The following ARHGEF33 variants were observed in gnomAD, a reference collection of about 807,000 sequenced individuals.
The protein encoded by ARHGEF33 is Rho guanine nucleotide exchange factor 33, also known as DH and coiled-coil domain-containing protein ENSP00000381780.
A neutral mutation model predicts 101.9 loss-of-function variants in ARHGEF33; 72 were observed. The observed-to-expected ratio is 0.71, with a 90% confidence interval of 0.58 to 0.86. The LOEUF (loss-of-function observed/expected upper bound fraction) is 0.86, where lower values mean the gene tolerates loss of function less well. Ranked by LOEUF, ARHGEF33 falls within the 40% of genes least tolerant of loss-of-function variation. The pLI is 0.00. For missense variants in ARHGEF33, 1,169 were observed against 1,111.3 expected, an observed-to-expected ratio of 1.05 and a Z score of -0.74; for synonymous variants, 499 against 442.5, an observed-to-expected ratio of 1.13 and a Z score of -1.60.
At chr2:38,936,831 C>G (rs1022641944) in intron 8 of ARHGEF33, 2 of 151,572 alleles carry the variant, frequency 1.3e-5, no homozygotes, top group African/African-American at 4.8e-5. Context: ...TAAAAATTAG[C>G]TGGGCGTGGT....
intron 9 of ARHGEF33, among the ~76,000 whole-genome samples, chr2:38,937,826 G>A (rs1190251720): frequency 6.6e-6 from 1 of 152,144 alleles, no homozygotes; most frequent in African/African-American, 2.4e-5. Context: ...GCATAAGGTT[G>A]GTGGAGAAGG....
intron 9 of ARHGEF33, among the ~76,000 whole-genome samples, chr2:38,942,468 CTTT>C (rs58695451): frequency 3.0e-5 from 4 of 132,788 alleles, no homozygotes; most frequent in African/African-American, 8.2e-5. Flanking sequence ...CCCCTCTTAT[CTTT>C]TTTTTTTTTT....
intron 17 of ARHGEF33, among the ~76,000 whole-genome samples, chr2:38,969,091 G>A (rs576454248): frequency 6.6e-6 from 1 of 152,264 alleles, no homozygotes; most frequent in African/African-American, 2.4e-5. Context: ...AACCATGAGC[G>A]ACATAGTCCC....
At chr2:38,899,615 A>G (rs1666199063) in intron 2 of ARHGEF33, among the ~76,000 whole-genome samples, 1 of 152,090 alleles carries the variant, frequency 6.6e-6, no homozygotes, top group Non-Finnish European at 1.5e-5. Flanking sequence ...GTAAGACAGG[A>G]GGAATACATT....
intron 2 of ARHGEF33, among the ~76,000 whole-genome samples, chr2:38,917,326 A>G (rs574994806): frequency 4.4e-4 from 67 of 151,964 alleles, no homozygotes; most frequent in Admixed American, 8.5e-4. Flanking sequence ...TCCTGACCTC[A>G]AGTGATCCGC....
In ARHGEF33 at chr2:38,952,460, T is replaced by C. The variant is rs147275931; in HGVS notation, c.1054-702T>C. ...TTGTGAACTACTGATCTGGATGACA[T>C]GAAGTGGGATGGGCAGAGTCCCTCA... is the stretch of plus-strand genomic sequence containing the variant. On this transcript the variant is annotated intron_variant, in intron 11 of 17. Transcript: ENST00000409978. Among the ~76,000 whole-genome samples the C allele has an allele frequency of 3.2e-3, 493 of 152,272 alleles. 3 individuals carry two copies. Among genetic ancestry groups the C allele is most frequent in the African/African-American group, 0.011 (465 of 41,536 alleles).
intron 12 of ARHGEF33, 70 bp downstream of exon 12, chr2:38,953,315 A>C: frequency 1.1e-6 from 1 of 895,706 alleles, no homozygotes; most frequent in Non-Finnish European, 1.8e-6. Flanking sequence ...TCATCCACCC[A>C]GTCAATACAG....
chr2:38,960,352 C>G lies in ARHGEF33; in HGVS notation c.2047C>G (p.Pro683Ala). Residue 683 changes from proline (P) to alanine (A), a missense_variant, in exon 16 of 18, where the codon CCG becomes GCG. Physicochemically the swap from Pro to Ala is conservative, Grantham distance 27. Transcript: ENST00000409978. ...LQPLPKSATS[P>A]AGSSSAYKLE... ...GCCGCTGCCCAAGAGCGCTACGTCG[C>G]CGGCGGGCAGCAGCAGCGCCTACAA... is the stretch of plus-strand genomic sequence containing the variant. 6.5e-7 allele frequency: 1 copy of G among 1,532,216 alleles called. No individual in the cohort carries two copies. The highest frequency in any genetic ancestry group is 8.7e-7 in the Non-Finnish European group (1 of 1,143,160). The allele number at this position is 1,532,216 out of a possible 1,614,324, so 94.9% of individuals were successfully genotyped here. A position where few individuals can be genotyped will look rare whatever the true frequency, so the allele number is the denominator to read the frequency against.
At chr2:38,959,788 T>C in intron 15 of ARHGEF33, 53 bp from the exon 16 acceptor site, 1 of 1,472,626 alleles carries the variant, frequency 6.8e-7, no homozygotes, top group African/African-American at 1.4e-5. Flanking sequence ...GCGAGAGGCC[T>C]GCACTAACCG....
intron 4 of ARHGEF33, 52 bp from the exon 5 acceptor site, chr2:38,928,855 C>T (rs557567984): frequency 6.8e-7 from 1 of 1,480,842 alleles, no homozygotes; most frequent in Admixed American, 2.3e-5. Context: ...TCCAATGGTG[C>T]CACTTACAGT....
rs538286183 is a variant in ARHGEF33 at position 38,950,911 on chromosome 2, C to T, written c.921-78C>T. The T allele has an allele frequency of 6.7e-5, 92 of 1,370,698 alleles. 1 individual carries two copies. The South Asian group carries it at 1.2e-3, about 18-fold the overall frequency. The allele number at this position is 1,370,698 out of a possible 1,614,324, so 84.9% of individuals were successfully genotyped here. A position where few individuals can be genotyped will look rare whatever the true frequency, so the allele number is the denominator to read the frequency against. On this transcript the variant is annotated intron_variant, in intron 10 of 17. Coordinates refer to ENST00000409978, the MANE Select transcript of ARHGEF33 (RefSeq NM_001145451.5). ...TATGTTGGATGGCTGGGAGAATGGGCCCTGCTGCATGTATTTTTGTAGGGT... is the reference window on the plus strand; with the variant it reads ...TATGTTGGATGGCTGGGAGAATGGGTCCTGCTGCATGTATTTTTGTAGGGT...
intron 4 of ARHGEF33, 26 bp from the exon 5 acceptor site, chr2:38,928,881 G>T: frequency 1.3e-6 from 2 of 1,529,580 alleles, no homozygotes; most frequent in South Asian, 2.5e-5. Context: ...CCAGCAAATT[G>T]AATTAACTTT....
intron 1 of ARHGEF33, among the ~76,000 whole-genome samples, chr2:38,893,780 A>C (rs1020325707): frequency 6.6e-6 from 1 of 152,174 alleles, no homozygotes; most frequent in African/African-American, 2.4e-5. Context: ...TTAAACCCCT[A>C]AAAACTTAAT....
In ARHGEF33 at chr2:38,935,812, T is replaced by C. The variant is rs547153807; in HGVS notation, c.543T>C (p.Asn181=). ...ESRSVHVGDS[N]VKGMMGPGVN... The stretch of plus-strand genomic sequence containing the variant: ...GATCTGTTCATGTAGGAGACAGTAA[T>C]GTAAAAGGAATGATGGGTCCTGGTA... Residue 181 remains asparagine, a synonymous_variant, in exon 8 of 18, where the codon AAT becomes AAC. Coordinates refer to ENST00000409978, the MANE Select transcript of ARHGEF33 (RefSeq NM_001145451.5). The C allele has an allele frequency of 6.4e-7, 1 of 1,552,036 alleles. No individual in the cohort carries two copies. Among genetic ancestry groups the C allele is most frequent in the Non-Finnish European group, 8.7e-7 (1 of 1,146,924 alleles).
At chr2:38,972,064 T>C (rs1572786903) in intron 17 of ARHGEF33, 1 of 675,364 alleles carries the variant, frequency 1.5e-6, no homozygotes, top group Non-Finnish European at 2.8e-6. Flanking sequence ...GAGTAATGAC[T>C]TTCTGATGAG....
intron 2 of ARHGEF33, among the ~76,000 whole-genome samples, chr2:38,906,914 C>T (rs972980124): frequency 6.6e-6 from 1 of 151,792 alleles, no homozygotes. Flanking sequence ...GCCATGATTG[C>T]ACCACTGCCT....
At chr2:38,915,652 A>C (rs1572745691) in intron 2 of ARHGEF33, among the ~76,000 whole-genome samples, 1 of 152,196 alleles carries the variant, frequency 6.6e-6, no homozygotes, top group East Asian at 1.9e-4. Context: ...GATTACAAGC[A>C]TGAGCCACCA....
chr2:38,952,789 C>G (rs1348363622), intron 11 of ARHGEF33, among the ~76,000 whole-genome samples: 1 of 151,984 alleles, frequency 6.6e-6, no homozygotes, highest in Non-Finnish European at 1.5e-5. Context: ...AGCTCTGCCT[C>G]CCGGGTTCAT....
At chr2:38,946,637 T>A (rs1241735798) in intron 10 of ARHGEF33, among the ~76,000 whole-genome samples, 1 of 152,158 alleles carries the variant, frequency 6.6e-6, no homozygotes, top group Non-Finnish European at 1.5e-5. Context: ...TCTTTCTTTA[T>A]TTTTTTGAGG....
Sources: allele counts gnomAD v4.1 joint callset (sites outside exome capture counted in the v4.1 genomes callset), GRCh38; gene constraint gnomAD v4.1.1; transcripts MANE v1.5; gene names NCBI Gene and HGNC (gene_info 2026-07-23, HGNC 2026-07-21).